Variants in PRORP observed in about 807,000 individuals in gnomAD.
PRORP encodes the protein mitochondrial ribonuclease P catalytic subunit.
A neutral mutation model predicts 59.4 loss-of-function variants in PRORP; 51 were observed. The observed-to-expected ratio is 0.86, with a 90% confidence interval of 0.69 to 1.08. The LOEUF (loss-of-function observed/expected upper bound fraction) is 1.08, where lower values mean the gene tolerates loss of function less well. Ranked by LOEUF, PRORP falls within the 50% of genes least tolerant of loss-of-function variation. The pLI, the probability that PRORP is intolerant of heterozygous loss-of-function variation, is 0.00. For synonymous variants in PRORP, 231 were observed against 245.6 expected (o/e 0.94, Z 0.55); for missense variants, 646 against 690.3 (o/e 0.94, Z 0.72).
At chr14:35,209,241 T>C (rs1022255068) in intron 5 of PRORP, among the ~76,000 whole-genome samples, 1 of 152,076 alleles carries the variant, frequency 6.6e-6, no homozygotes, top group African/African-American at 2.4e-5. Flanking sequence ...ACAAATCCAG[T>C]ACATCTCAAT....
At chr14:35,139,479 C>G (rs551916054) in intron 4 of PRORP, among the ~76,000 whole-genome samples, 1 of 145,296 alleles carries the variant, frequency 6.9e-6, no homozygotes, top group African/African-American at 2.4e-5. Flanking sequence ...ACTATGGAAT[C>G]ATACAATATA....
intron 5 of PRORP, among the ~76,000 whole-genome samples, chr14:35,212,791 A>G (rs2049483267): frequency 6.6e-6 from 1 of 152,222 alleles, no homozygotes; most frequent in South Asian, 2.1e-4. Flanking sequence ...AGCCCTTACA[A>G]GAGAGTCAGC....
rs759042625 is a variant in PRORP at position 35,123,678 on chromosome 14, A to G, written c.433A>G (p.Ile145Val). 6.2e-7 allele frequency: 1 copy of G among 1,614,222 alleles called. No homozygotes were observed. The highest frequency in any genetic ancestry group is 8.5e-7 in the Non-Finnish European group (1 of 1,180,052). The change falls in exon 2 of 8, where the codon ATT (isoleucine) becomes GTT (valine). Residue 145 changes from isoleucine to valine, a missense_variant. By Grantham distance (29) the Ile-to-Val change is conservative (BLOSUM62 3). Transcript: ENST00000534898. ...TGKTSFESWI[I>V]SQMAGCHSSI... ...AAAGACCAGTTTCGAAAGTTGGATC[A>G]TTTCACAGATGGCTGGCTGTCATAG... is the stretch of plus-strand genomic sequence containing the variant.
At chr14:35,214,674 A>G (rs2049540045) in intron 5 of PRORP, among the ~76,000 whole-genome samples, 1 of 152,176 alleles carries the variant, frequency 6.6e-6, no homozygotes, top group Non-Finnish European at 1.5e-5. Context: ...TGTGAGGCTG[A>G]GGTGGGTGGA....
chr14:35,244,640 G>A (rs372842279), intron 5 of PRORP, among the ~76,000 whole-genome samples: 9 of 152,104 alleles, frequency 5.9e-5, no homozygotes, highest in Non-Finnish European at 1.0e-4. Context: ...CTGTGTGTGC[G>A]CGCATAAAAT....
intron 5 of PRORP, among the ~76,000 whole-genome samples, chr14:35,252,321 G>A (rs1434353875): frequency 1.3e-5 from 2 of 152,176 alleles, no homozygotes; most frequent in African/African-American, 4.8e-5. Context: ...TACTCAGGAG[G>A]CTGAAGCAGG....
chr14:35,124,695 T>C (rs2047052459), intron 2 of PRORP, among the ~76,000 whole-genome samples: 1 of 147,642 alleles, frequency 6.8e-6, no homozygotes, highest in Admixed American at 7.0e-5. Context: ...AATTTTGTTT[T>C]CTTAGGCATC....
chr14:35,182,440 T>G (rs2048637065), intron 5 of PRORP, among the ~76,000 whole-genome samples: 1 of 151,156 alleles, frequency 6.6e-6, no homozygotes, highest in East Asian at 1.9e-4. Context: ...AGGTCAGGAG[T>G]TGAAGACCAG....
At chr14:35,264,445 A>G (rs540839600) in intron 5 of PRORP, among the ~76,000 whole-genome samples, 20 of 150,604 alleles carry the variant, frequency 1.3e-4, no homozygotes, top group South Asian at 8.5e-4. Context: ...TTTAATAGAG[A>G]CGAGGTCTTG....
chr14:35,233,929 T>C (rs531578122), intron 5 of PRORP, among the ~76,000 whole-genome samples: 39 of 152,270 alleles, frequency 2.6e-4, no homozygotes, highest in Non-Finnish European at 4.3e-4. Flanking sequence ...ACCATTAGAT[T>C]CCATTATAAT....
chr14:35,236,280 C>T (rs1465930845), intron 5 of PRORP, among the ~76,000 whole-genome samples: 1 of 152,040 alleles, frequency 6.6e-6, no homozygotes, highest in Non-Finnish European at 1.5e-5. Context: ...TATCTGTTTT[C>T]TTGAAATACC....
In PRORP at chr14:35,277,044, A is replaced by T. The variant is rs1480578394; in HGVS notation, c.*3478A>T. ...ACTTTTATTTATTTTTTTTTTTGAG[A>T]CAGAGTCTTGATCTTTTTTCATCTA... On this transcript the variant is annotated 3_prime_UTR_variant, in exon 8 of 8. Coordinates refer to ENST00000534898, the MANE Select transcript of PRORP (RefSeq NM_014672.4). 6.6e-6 allele frequency: 1 copy of T among 151,118 alleles called. No individual in the cohort carries two copies. Among genetic ancestry groups the T allele is most frequent in the Non-Finnish European group, 1.5e-5 (1 of 67,822 alleles). 9.4% of individuals were successfully genotyped at this position (151,118 alleles called of 1,614,324 possible).
chr14:35,197,047 T>A (rs2049026064), intron 5 of PRORP, among the ~76,000 whole-genome samples: 1 of 152,168 alleles, frequency 6.6e-6, no homozygotes, highest in African/African-American at 2.4e-5. Context: ...TTTCCCCAAT[T>A]GTTGTAGAAG....
intron 5 of PRORP, among the ~76,000 whole-genome samples, chr14:35,192,528 A>G (rs554211739): frequency 6.6e-6 from 1 of 152,344 alleles, no homozygotes; most frequent in South Asian, 2.1e-4. Context: ...TCCTAGAATG[A>G]TCAGGGAGGG....
intron 6 of PRORP, 24 bp downstream of exon 6, chr14:35,266,899 A>G (rs776952777): frequency 1.2e-6 from 2 of 1,613,570 alleles, no homozygotes; most frequent in Non-Finnish European, 1.7e-6. Flanking sequence ...GTAATAGGTG[A>G]ATTATACTGT....
chr14:35,165,596 T>C (rs1355063042), intron 4 of PRORP, among the ~76,000 whole-genome samples: 1 of 152,194 alleles, frequency 6.6e-6, no homozygotes, highest in African/African-American at 2.4e-5. Flanking sequence ...TTTTCTTTAA[T>C]CTCACAATTA....
intron 5 of PRORP, among the ~76,000 whole-genome samples, chr14:35,213,796 G>GTAAC (rs2049514908): frequency 6.6e-6 from 1 of 152,038 alleles, no homozygotes; most frequent in Admixed American, 6.6e-5. Context: ...AATTACAGTA[G>GTAAC]TAACATCCAA....
chr14:35,158,504 G>A (rs2138935796), intron 4 of PRORP: 1 of 244,138 alleles, frequency 4.1e-6, no homozygotes, highest in East Asian at 1.2e-4. Context: ...CCTGTTTCTG[G>A]AAATTTATAT....
intron 4 of PRORP, among the ~76,000 whole-genome samples, chr14:35,130,567 C>T (rs1566444582): frequency 6.6e-6 from 1 of 151,618 alleles, no homozygotes; most frequent in Non-Finnish European, 1.5e-5. Flanking sequence ...CTCCAACCTC[C>T]GCCCCCACTG....
Sources: allele counts gnomAD v4.1 joint callset (sites outside exome capture counted in the v4.1 genomes callset), GRCh38; gene constraint gnomAD v4.1.1; transcripts MANE v1.5; gene names NCBI Gene and HGNC (gene_info 2026-07-23, HGNC 2026-07-21).